The following KALRN variants were observed in gnomAD, a reference collection of about 807,000 sequenced individuals.
The protein encoded by KALRN is kalirin.
In KALRN, 70 loss-of-function variants were observed where a neutral mutation model predicts 353.7. The ratio of observed to expected loss-of-function variants is 0.20; its 90% CI spans 0.16 to 0.24. The LOEUF (loss-of-function observed/expected upper bound fraction) is 0.24, where lower values mean the gene tolerates loss of function less well. KALRN is among the 10% of genes least tolerant of loss of function. The pLI is 1.00. For synonymous variants in KALRN, 1,391 were observed against 1,434.8 expected, an observed-to-expected ratio of 0.97 and a Z score of 0.69; for missense variants, 2,791 against 3,756.7, an observed-to-expected ratio of 0.74 and a Z score of 6.72.
At chr3:124,134,894 G>A (rs1490293601) in intron 1 of KALRN, among the ~76,000 whole-genome samples, 1 of 152,212 alleles carries the variant, frequency 6.6e-6, no homozygotes, top group African/African-American at 2.4e-5. Flanking sequence ...TGGCGTGGAT[G>A]CGGTGATCAG....
At chr3:124,610,091 T>C (rs1323895260) in intron 34 of KALRN, among the ~76,000 whole-genome samples, 5 of 152,258 alleles carry the variant, frequency 3.3e-5, no homozygotes, top group Non-Finnish European at 7.3e-5. Flanking sequence ...CTCTTTTAGC[T>C]GCTAGAAGCA....
chr3:124,403,488 G>A (rs1039897542), intron 13 of KALRN, among the ~76,000 whole-genome samples: 21 of 152,150 alleles, frequency 1.4e-4, no homozygotes, highest in East Asian at 1.9e-4. Flanking sequence ...AATTGCAAGC[G>A]AGGTATGCTT....
At chr3:124,634,135 C>T (rs2081096465) in intron 36 of KALRN, among the ~76,000 whole-genome samples, 182 bp downstream of exon 36, 1 of 152,126 alleles carries the variant, frequency 6.6e-6, no homozygotes, top group Admixed American at 6.5e-5. Context: ...GGAGGTCCAA[C>T]TTCATTCTAG....
chr3:124,469,147 C>T (rs374751844), intron 25 of KALRN, among the ~76,000 whole-genome samples: 2 of 152,202 alleles, frequency 1.3e-5, no homozygotes, highest in South Asian at 4.1e-4. Flanking sequence ...CTTTATTCAT[C>T]TGATCACACA....
intron 34 of KALRN, among the ~76,000 whole-genome samples, chr3:124,621,255 TGTG>T (rs1302510408): frequency 2.0e-4 from 30 of 152,186 alleles, no homozygotes; most frequent in African/African-American, 7.0e-4. Flanking sequence ...CGAACTAAGA[TGTG>T]GCCCTTGCTT....
intron 1 of KALRN, among the ~76,000 whole-genome samples, chr3:124,056,747 T>G (rs2041582903): frequency 1.3e-5 from 2 of 152,206 alleles, no homozygotes; most frequent in African/African-American, 4.8e-5. Flanking sequence ...ACCTCCAGCC[T>G]TGCCAGTCTC....
At chr3:124,538,186 T>A (rs902146326) in intron 33 of KALRN, among the ~76,000 whole-genome samples, 8 of 152,180 alleles carry the variant, frequency 5.3e-5, no homozygotes, top group African/African-American at 1.9e-4. Flanking sequence ...AGCAGGACGA[T>A]TTTGAGTGAC....
intron 6 of KALRN, among the ~76,000 whole-genome samples, chr3:124,312,739 CAAGG>C (rs1196869211): frequency 2.6e-5 from 4 of 152,226 alleles, no homozygotes; most frequent in African/African-American, 9.6e-5. Flanking sequence ...CTGAGAACAG[CAAGG>C]TTCATGAGAC....
intron 1 of KALRN, among the ~76,000 whole-genome samples, chr3:124,157,856 C>G (rs1161485993): frequency 1.3e-5 from 2 of 152,140 alleles, no homozygotes; most frequent in Non-Finnish European, 2.9e-5. Context: ...CCACCTCTGC[C>G]CCTTTCCCCT....
At chr3:124,591,715 G>C (rs146684049) in intron 34 of KALRN, among the ~76,000 whole-genome samples, 2 of 152,290 alleles carry the variant, frequency 1.3e-5, no homozygotes, top group African/African-American at 4.8e-5. Context: ...AGCAGTAATT[G>C]TAATACTAGA....
chr3:124,421,377 T>A (rs2092772737), intron 14 of KALRN, among the ~76,000 whole-genome samples: 1 of 151,910 alleles, frequency 6.6e-6, no homozygotes, highest in African/African-American at 2.4e-5. Context: ...GAGTTAGGAG[T>A]CAGAAAAGCC....
intron 1 of KALRN, among the ~76,000 whole-genome samples, chr3:124,157,822 T>A (rs190522824): frequency 6.6e-6 from 1 of 152,168 alleles, no homozygotes; most frequent in African/African-American, 2.4e-5. Flanking sequence ...TCTTCCCTTT[T>A]GTCTTAACTG....
At chr3:124,220,484 C>A (rs970049380) in intron 1 of KALRN, among the ~76,000 whole-genome samples, 1 of 151,950 alleles carries the variant, frequency 6.6e-6, no homozygotes, top group Non-Finnish European at 1.5e-5. Context: ...CCACTCTTGC[C>A]ACCTCTCTCT....
intron 38 of KALRN, 33 bp from the exon 39 acceptor site, chr3:124,655,568 A>G (rs2083918532): frequency 6.4e-7 from 1 of 1,570,906 alleles, no homozygotes; most frequent in African/African-American, 1.4e-5. Context: ...AACAATGAAG[A>G]GGAACACTCA....
intron 33 of KALRN, among the ~76,000 whole-genome samples, chr3:124,498,975 C>G (rs981815365): frequency 1.3e-5 from 2 of 151,900 alleles, no homozygotes; most frequent in Admixed American, 6.6e-5. Flanking sequence ...TGGACTGATT[C>G]AGGTAAACTG....
At chr3:124,563,133 T>C (rs2256831) in intron 34 of KALRN, 44 bp downstream of exon 34, 622,163 of 1,348,188 alleles carry the variant, frequency 0.46, 151,210 homozygotes, top group East Asian at 0.84. Flanking sequence ...AAGGAGGCCA[T>C]GAGCGCTGGC....
intron 33 of KALRN, among the ~76,000 whole-genome samples, chr3:124,559,009 C>T (rs2071609970): frequency 6.6e-6 from 1 of 152,172 alleles, no homozygotes; most frequent in African/African-American, 2.4e-5. Context: ...TCAGTTAATC[C>T]CCAAATATTA....
chr3:124,463,713 C>G (rs2107729725), intron 25 of KALRN, among the ~76,000 whole-genome samples: 1 of 152,256 alleles, frequency 6.6e-6, no homozygotes, highest in Non-Finnish European at 1.5e-5. Context: ...GACCAAGAGG[C>G]AAGCAAGAAT....
chr3:124,181,622 T>G (rs1232076812), intron 1 of KALRN, among the ~76,000 whole-genome samples: 2 of 152,196 alleles, frequency 1.3e-5, no homozygotes, highest in Non-Finnish European at 2.9e-5. Context: ...TGATTAGCAT[T>G]ATTTTTGGCT....
Sources: gnomAD v4.1 joint callset for allele counts (sites outside exome capture counted in the v4.1 genomes callset) on GRCh38, gnomAD v4.1.1 for gene constraint, MANE v1.5 for transcripts, NCBI Gene and HGNC (gene_info 2026-07-23, HGNC 2026-07-21) for gene names.